GRM8: variants seen among roughly 807,000 people sequenced by gnomAD.
GRM8 encodes glutamate metabotropic receptor 8.
Under a neutral mutation model 87.2 loss-of-function variants are expected in GRM8, and 47 were observed. The ratio of observed to expected loss-of-function variants is 0.54; its 90% CI spans 0.43 to 0.69. GRM8 has a LOEUF of 0.69. Among genes scored for constraint, GRM8 ranks in the 30% least tolerant of loss-of-function variants. GRM8 has a pLI of 0.00. For synonymous variants in GRM8, 396 were observed against 404.5 expected (o/e 0.98, Z 0.25); for missense variants, 1,019 against 1,139.2 (o/e 0.89, Z 1.52).
At chr7:127,217,686 C>T (rs1796648784) in intron 2 of GRM8, among the ~76,000 whole-genome samples, 1 of 152,156 alleles carries the variant, frequency 6.6e-6, no homozygotes, top group African/African-American at 2.4e-5. Flanking sequence ...CTCTGCAGGT[C>T]TGTTAGATAC....
chr7:127,107,134 T>C (rs545038672), intron 2 of GRM8, among the ~76,000 whole-genome samples: 12 of 152,326 alleles, frequency 7.9e-5, no homozygotes, highest in Admixed American at 5.2e-4. Flanking sequence ...ATAAATGCTA[T>C]ACAATGACTA....
At chr7:126,768,220 G>C (rs1466020216) in intron 7 of GRM8, among the ~76,000 whole-genome samples, 1 of 151,862 alleles carries the variant, frequency 6.6e-6, no homozygotes, top group East Asian at 1.9e-4. Flanking sequence ...ATTTTTGTGT[G>C]CTTATTTGAT....
intron 9 of GRM8, among the ~76,000 whole-genome samples, chr7:126,531,301 C>T (rs1433318492): frequency 1.3e-5 from 2 of 152,116 alleles, no homozygotes; most frequent in Non-Finnish European, 2.9e-5. Context: ...TTTTCACATT[C>T]AACTATATTA....
In GRM8 at chr7:126,953,835, A is replaced by T. The variant is rs535863075; in HGVS notation, c.728-49152T>A. ...CTCCAGTGGATTATACAACATTTTA[A>T]TTTACTATCTGCTAAATGGATGACT... On this transcript the variant is annotated intron_variant, in intron 3 of 10. Coordinates refer to ENST00000339582, the MANE Select transcript of GRM8 (RefSeq NM_000845.3). 2.0e-5 allele frequency among the ~76,000 whole-genome samples: 3 copies of T among 152,282 alleles called. No individual in the cohort carries two copies. In the East Asian group the frequency reaches 5.8e-4, roughly 29 times the overall value.
At chr7:126,521,789 T>C (rs1246375277) in intron 9 of GRM8, among the ~76,000 whole-genome samples, 3 of 152,214 alleles carry the variant, frequency 2.0e-5, no homozygotes, top group African/African-American at 7.2e-5. Context: ...ACTGATTATA[T>C]ATTTAAATTG....
At chr7:127,238,548 C>T (rs1399667953) in intron 2 of GRM8, among the ~76,000 whole-genome samples, 5 of 152,212 alleles carry the variant, frequency 3.3e-5, no homozygotes, top group Non-Finnish European at 5.9e-5. Context: ...ATGCAGCCCA[C>T]ACCCCTTGTG....
chr7:126,647,166 A>G (rs772208375), intron 7 of GRM8, among the ~76,000 whole-genome samples: 45 of 152,146 alleles, frequency 3.0e-4, no homozygotes, highest in Non-Finnish European at 2.5e-4. Context: ...TGAGGTGGGA[A>G]GATTGCTTGA....
At chr7:127,203,707 CAAAATAAAAT>C (rs1051146343) in intron 2 of GRM8, among the ~76,000 whole-genome samples, 22 of 140,394 alleles carry the variant, frequency 1.6e-4, no homozygotes, top group African/African-American at 4.8e-4. Flanking sequence ...GACTCCATCT[CAAAATAAAAT>C]AAAATAAAAT....
chr7:126,855,848 C>A (rs1169869224), intron 6 of GRM8, among the ~76,000 whole-genome samples: 4 of 152,040 alleles, frequency 2.6e-5, no homozygotes, highest in African/African-American at 9.7e-5. Flanking sequence ...AAGTGAACTG[C>A]CAGCAATCAA....
At chr7:126,534,473 G>C (rs923667087) in intron 8 of GRM8, among the ~76,000 whole-genome samples, 111 of 152,160 alleles carry the variant, frequency 7.3e-4, no homozygotes, top group African/African-American at 2.6e-3. Flanking sequence ...TTTTTCTTCA[G>C]TCTTGCATTT....
At chr7:127,169,996 T>G (rs910765887) in intron 2 of GRM8, among the ~76,000 whole-genome samples, 7 of 152,182 alleles carry the variant, frequency 4.6e-5, no homozygotes, top group South Asian at 2.1e-4. Flanking sequence ...TAACACAATA[T>G]CCATTCTGTA....
chr7:127,152,212 A>T (rs1330908078), intron 2 of GRM8, among the ~76,000 whole-genome samples: 1 of 152,072 alleles, frequency 6.6e-6, no homozygotes, highest in Non-Finnish European at 1.5e-5. Context: ...TTAGTGAGTA[A>T]ACTTGAGCAA....
At chr7:127,235,973 T>G (rs1255660059) in intron 2 of GRM8, among the ~76,000 whole-genome samples, 1 of 105,482 alleles carries the variant, frequency 9.5e-6, no homozygotes, top group African/African-American at 3.6e-5. Context: ...TTTCATACTA[T>G]GTATTGCTTA....
intron 10 of GRM8, among the ~76,000 whole-genome samples, chr7:126,442,736 CAT>C (rs1401757414): frequency 1.3e-5 from 2 of 151,888 alleles, no homozygotes; most frequent in African/African-American, 4.8e-5. Flanking sequence ...TAAAAATTAA[CAT>C]ATTATTTTTT....
chr7:126,532,933 TGTA>T lies in GRM8; in HGVS notation c.2430+16_2430+18del. ...TTAAATCCAGGAAAAAGTTGTCAAGTGTATTTCCTTCTACTTACCTTTTCTGCT... is the reference window on the plus strand; with the variant it reads ...TTAAATCCAGGAAAAAGTTGTCAAGTTTTCCTTCTACTTACCTTTTCTGCT... On this transcript the variant is annotated intron_variant, in intron 9 of 10. Transcript: ENST00000339582. The T allele has an allele frequency of 6.8e-7, 1 of 1,480,204 alleles. No individual in the cohort carries two copies. The highest frequency in any genetic ancestry group is 9.3e-7 in the Non-Finnish European group (1 of 1,076,698). 91.7% of individuals were successfully genotyped at this position (1,480,204 alleles called of 1,614,324 possible).
chr7:127,047,718 C>A (rs926442639), intron 3 of GRM8, among the ~76,000 whole-genome samples: 6 of 152,154 alleles, frequency 3.9e-5, no homozygotes, highest in Non-Finnish European at 8.8e-5. Context: ...ATAGTGCCAG[C>A]TACTGGAGCA....
At chr7:127,203,875 G>GA (rs908376476) in intron 2 of GRM8, among the ~76,000 whole-genome samples, 7 of 149,512 alleles carry the variant, frequency 4.7e-5, no homozygotes, top group East Asian at 3.9e-4. Context: ...AGAAGAAAGA[G>GA]AAAAAAAAAC....
intron 3 of GRM8, among the ~76,000 whole-genome samples, chr7:127,040,950 G>T (rs10225883): frequency 0.27 from 41,485 of 152,206 alleles, 6,295 homozygotes; most frequent in African/African-American, 0.41. Flanking sequence ...TGACATGTAA[G>T]TCCAATCCTT....
At chr7:127,201,873 T>C (rs1376583454) in intron 2 of GRM8, among the ~76,000 whole-genome samples, 2 of 152,218 alleles carry the variant, frequency 1.3e-5, no homozygotes, top group Non-Finnish European at 2.9e-5. Context: ...GGAAAAACCA[T>C]TGTTCCAAAT....
Sources: gnomAD v4.1 joint callset for allele counts (sites outside exome capture counted in the v4.1 genomes callset) on GRCh38, gnomAD v4.1.1 for gene constraint, MANE v1.5 for transcripts, NCBI Gene and HGNC (gene_info 2026-07-23, HGNC 2026-07-21) for gene names.